Variants in RNF24 observed in about 807,000 individuals in gnomAD.
RNF24 encodes ring finger protein 24.
Under a neutral mutation model 20.0 loss-of-function variants are expected in RNF24, and 14 were observed. That is an observed-to-expected ratio of 0.70 (90% CI 0.46 to 1.10). The LOEUF is 1.10. RNF24 is among the 50% of genes least tolerant of loss of function. The pLI is 0.00. For synonymous variants in RNF24, 45 were observed against 61.1 expected (o/e 0.74, Z 1.23); for missense variants, 124 against 177.6 (o/e 0.70, Z 1.71).
chr20:3,998,995 G>A (rs1281767517), intron 1 of RNF24, among the ~76,000 whole-genome samples: 5 of 151,792 alleles, frequency 3.3e-5, no homozygotes, highest in African/African-American at 4.8e-5. Flanking sequence ...CAGAAGAACC[G>A]TTTGAACCCG....
intron 1 of RNF24, among the ~76,000 whole-genome samples, chr20:3,986,841 G>T (rs6116145): frequency 0.01 from 1,535 of 152,086 alleles, 17 homozygotes; most frequent in African/African-American, 0.035. Context: ...AGTAGAGATG[G>T]GGTTTCGCCA....
chr20:3,996,349 T>C (rs1350051031), intron 1 of RNF24, among the ~76,000 whole-genome samples: 2 of 152,190 alleles, frequency 1.3e-5, no homozygotes, highest in African/African-American at 4.8e-5. Context: ...GACATATTCT[T>C]TTTAAAATAT....
intron 1 of RNF24, among the ~76,000 whole-genome samples, chr20:3,982,396 T>C (rs565733349): frequency 6.7e-6 from 1 of 148,358 alleles, no homozygotes; most frequent in East Asian, 2.1e-4. Context: ...GCCAACATGG[T>C]GAAACCCTGT....
chr20:3,945,289 C>A, intron 3 of RNF24, 71 bp from the exon 4 acceptor site: 2 of 1,417,046 alleles, frequency 1.4e-6, no homozygotes, highest in South Asian at 2.6e-5. Flanking sequence ...ATTATATTCT[C>A]AAATATTTTT....
At chr20:3,980,004 A>G (rs1979247905) in intron 1 of RNF24, among the ~76,000 whole-genome samples, 1 of 152,238 alleles carries the variant, frequency 6.6e-6, no homozygotes, top group Non-Finnish European at 1.5e-5. Context: ...ATGAATTAAA[A>G]CAAAACAATG....
chr20:3,964,074 A>T (rs1025629505), intron 1 of RNF24, 50 bp from the exon 2 acceptor site: 2 of 1,545,314 alleles, frequency 1.3e-6, no homozygotes, highest in Non-Finnish European at 1.8e-6. Flanking sequence ...ACTAAGAACC[A>T]AGACAGCATT....
chr20:3,992,016 A>G (rs1980487242), intron 1 of RNF24, among the ~76,000 whole-genome samples: 1 of 152,064 alleles, frequency 6.6e-6, no homozygotes, highest in Non-Finnish European at 1.5e-5. Context: ...TGGAAAATGT[A>G]CTCCTTGAGC....
rs1165692031 is a variant in RNF24 at position 3,933,802 on chromosome 20, A to G, written c.*261T>C. 1 of 303,584 alleles carries G rather than the reference A, an allele frequency of 3.3e-6. No homozygotes were observed. Among genetic ancestry groups the G allele is most frequent in the African/African-American group, 2.2e-5 (1 of 46,410 alleles). 18.8% of individuals were successfully genotyped at this position (303,584 alleles called of 1,614,324 possible). A position where few individuals can be genotyped will look rare whatever the true frequency, so the allele number is the denominator to read the frequency against. ...GAGAGAGTGTAATGGAGTTAGTAAGAGACCCTCATGAAGTTTCTTGAGGCA... is the reference window on the plus strand; with the variant it reads ...GAGAGAGTGTAATGGAGTTAGTAAGGGACCCTCATGAAGTTTCTTGAGGCA... On this transcript the variant is annotated 3_prime_UTR_variant, in exon 6 of 6. Transcript: ENST00000358395.
At chr20:3,973,960 T>C (rs1218040656) in intron 1 of RNF24, among the ~76,000 whole-genome samples, 1 of 151,970 alleles carries the variant, frequency 6.6e-6, no homozygotes, top group Non-Finnish European at 1.5e-5. Flanking sequence ...AGAAAAATTC[T>C]TAACAAAATA....
At chr20:3,941,090 C>G (rs926437121) in intron 4 of RNF24, among the ~76,000 whole-genome samples, 1 of 152,176 alleles carries the variant, frequency 6.6e-6, no homozygotes, top group African/African-American at 2.4e-5. Context: ...GTGGCGCAAT[C>G]AAGGCTTGGC....
chr20:3,974,504 A>T (rs1354535410), intron 1 of RNF24: 3 of 1,133,782 alleles, frequency 2.6e-6, no homozygotes, highest in African/African-American at 1.6e-5. Flanking sequence ...CAACAACAAA[A>T]TCCCAAAGAA....
In RNF24 at chr20:3,935,029, C is replaced by T; in HGVS notation, c.273G>A (p.Leu91=). 4 of 1,614,002 alleles carry T rather than the reference C, an allele frequency of 2.5e-6. No homozygotes were observed. The highest frequency in any genetic ancestry group is 3.4e-6 in the Non-Finnish European group (4 of 1,179,918). The change falls in exon 5 of 6, where the codon TTG becomes TTA. Residue 91 remains leucine, a synonymous_variant. Coordinates refer to ENST00000358395, the MANE Select transcript of RNF24 (RefSeq NM_001134337.3). ...AGGCGTGCTTACATGGGCAAATCCCCAACTCATCTCGAGGCTTGAAGTCTT... is the reference window on the plus strand; with the variant it reads ...AGGCGTGCTTACATGGGCAAATCCCTAACTCATCTCGAGGCTTGAAGTCTT... ...CLEDFKPRDE[L]GICPCKHAFH... is the part of the protein sequence containing the mutation.
chr20:4,013,945 G>C (rs1982667821), intron 1 of RNF24, among the ~76,000 whole-genome samples: 1 of 152,212 alleles, frequency 6.6e-6, no homozygotes, highest in Non-Finnish European at 1.5e-5. Flanking sequence ...AACCAAAATA[G>C]CAAGGAAGAG....
Position 3,964,036 on chromosome 20 carries a change from G to A in RNF24, c.-7-12C>T, listed in dbSNP as rs954503967. 1 of 1,606,182 alleles carries A rather than the reference G, an allele frequency of 6.2e-7. No individual in the cohort carries two copies. The highest frequency in any genetic ancestry group is 8.5e-7 in the Non-Finnish European group (1 of 1,177,220). On this transcript the variant is annotated splice_polypyrimidine_tract_variant and intron_variant, in intron 1 of 5. Transcript: ENST00000358395. ...AGCTCATGGATGAACTGTGGGGGAA[G>A]AAAAGAATGGAAAAAAAATAGGTAA...
intron 1 of RNF24, among the ~76,000 whole-genome samples, chr20:3,980,965 G>A (rs1979327787): frequency 6.8e-6 from 1 of 147,936 alleles, no homozygotes; most frequent in Non-Finnish European, 1.5e-5. Context: ...GTGTGTGTGT[G>A]TTGGGGGGGG....
chr20:3,977,257 C>T (rs1371125846), intron 1 of RNF24, among the ~76,000 whole-genome samples: 8 of 151,988 alleles, frequency 5.3e-5, no homozygotes, highest in African/African-American at 9.7e-5. Flanking sequence ...GAAGATGGAA[C>T]GGGGAGAAGA....
intron 1 of RNF24, among the ~76,000 whole-genome samples, chr20:4,010,242 G>A (rs6107394): frequency 0.01 from 1,538 of 151,946 alleles, 17 homozygotes; most frequent in African/African-American, 0.035. Flanking sequence ...ACATGGTGGC[G>A]CACGCCTGTA....
intron 1 of RNF24, among the ~76,000 whole-genome samples, chr20:3,997,950 GCA>G (rs1225046740): frequency 6.6e-6 from 1 of 152,172 alleles, no homozygotes; most frequent in East Asian, 1.9e-4. Flanking sequence ...AGAGATTGAG[GCA>G]CACAGACGCT....
chr20:3,956,092 C>G (rs1446343008), intron 2 of RNF24, among the ~76,000 whole-genome samples: 2 of 151,972 alleles, frequency 1.3e-5, no homozygotes, highest in Non-Finnish European at 2.9e-5. Context: ...GAGATAGTTA[C>G]TTCTTTCTAG....
Sources: gnomAD v4.1 joint callset for allele counts (sites outside exome capture counted in the v4.1 genomes callset) on GRCh38, gnomAD v4.1.1 for gene constraint, MANE v1.5 for transcripts, NCBI Gene and HGNC (gene_info 2026-07-23, HGNC 2026-07-21) for gene names.